PIK3CB: variants seen among roughly 807,000 people sequenced by gnomAD.
PIK3CB encodes phosphatidylinositol-4,5-bisphosphate 3-kinase catalytic subunit beta.
A neutral mutation model predicts 136.8 loss-of-function variants in PIK3CB; 39 were observed. The ratio of observed to expected loss-of-function variants is 0.29; its 90% confidence interval spans 0.22 to 0.37. The LOEUF is 0.37. PIK3CB is among the 10% of genes least tolerant of loss of function. The probability of loss-of-function intolerance (pLI) is 1.00; values close to 1 mark genes in which losing one functional copy is unlikely to be tolerated. For missense variants in PIK3CB, 868 were observed against 1,275.4 expected (o/e 0.68, Z 4.87); for synonymous variants, 428 against 436.6 (o/e 0.98, Z 0.25).
chr3:138,695,006 A>G lies in PIK3CB; in HGVS notation c.1771-99T>C. On this transcript the variant is annotated intron_variant, in intron 13 of 23. Coordinates refer to ENST00000674063, the MANE Select transcript of PIK3CB (RefSeq NM_006219.3). ...CACCAAGATAGGTCAAAAGAAGGCA[A>G]AGCTCACTTTTAATTATTGATGCCT... 6.0e-6 allele frequency: 7 copies of G among 1,163,660 alleles called. No homozygotes were observed. The South Asian group carries it at 1.2e-4, about 20-fold the overall frequency. The allele number at this position is 1,163,660 out of a possible 1,614,324, so 72.1% of individuals were successfully genotyped here. A position where few individuals can be genotyped will look rare whatever the true frequency, so the allele number is the denominator to read the frequency against.
intron 8 of PIK3CB, among the ~76,000 whole-genome samples, chr3:138,725,176 T>G (rs1028826238): frequency 1.3e-5 from 2 of 151,668 alleles, no homozygotes; most frequent in African/African-American, 4.9e-5. Context: ...GCATTTATAC[T>G]CCCTAAATAT....
intron 2 of PIK3CB, among the ~76,000 whole-genome samples, chr3:138,783,824 A>C (rs779687033): frequency 3.3e-5 from 5 of 151,876 alleles, no homozygotes; most frequent in Non-Finnish European, 5.9e-5. Flanking sequence ...TAAAATAAAC[A>C]ACTTTTGAAA....
intron 21 of PIK3CB, among the ~76,000 whole-genome samples, chr3:138,659,950 A>G (rs2043263659): frequency 1.6e-5 from 2 of 126,478 alleles, no homozygotes; most frequent in Non-Finnish European, 3.1e-5. Flanking sequence ...ATTTCAGCTT[A>G]CTGCAAGCTC....
intron 2 of PIK3CB, among the ~76,000 whole-genome samples, chr3:138,773,317 G>C (rs1046500919): frequency 1.3e-5 from 2 of 151,984 alleles, no homozygotes; most frequent in Non-Finnish European, 2.9e-5. Flanking sequence ...CTTTAACCTG[G>C]GAGGCAGAGG....
chr3:138,711,598 AAAAAG>A (rs1220309676), intron 10 of PIK3CB, among the ~76,000 whole-genome samples: 3 of 151,664 alleles, frequency 2.0e-5, no homozygotes, highest in South Asian at 2.1e-4. Context: ...AAAAAAAAAA[AAAAAG>A]AAGTTTAGTC....
At chr3:138,727,529 C>T (rs555757736) in intron 8 of PIK3CB, among the ~76,000 whole-genome samples, 30 of 152,212 alleles carry the variant, frequency 2.0e-4, no homozygotes, top group African/African-American at 2.7e-4. Flanking sequence ...GAATTGGAGA[C>T]TTCAGGCCTA....
chr3:138,728,698 T>C (rs2044897575), intron 8 of PIK3CB, among the ~76,000 whole-genome samples: 1 of 150,948 alleles, frequency 6.6e-6, no homozygotes, highest in Admixed American at 6.6e-5. Context: ...GAGAATGGCA[T>C]GAACCCGGGA....
chr3:138,781,623 T>C (rs947412723), intron 2 of PIK3CB, among the ~76,000 whole-genome samples: 6 of 152,066 alleles, frequency 3.9e-5, no homozygotes, highest in Non-Finnish European at 7.4e-5. Flanking sequence ...TGGCTAATTT[T>C]TTTGTATTTT....
At chr3:138,793,216 G>C (rs2046072745) in intron 2 of PIK3CB, among the ~76,000 whole-genome samples, 1 of 152,178 alleles carries the variant, frequency 6.6e-6, no homozygotes, top group Non-Finnish European at 1.5e-5. Context: ...ATTAAAATAT[G>C]GCAGTTGATA....
chr3:138,750,925 G>C (rs1210887609), intron 4 of PIK3CB, among the ~76,000 whole-genome samples: 1 of 152,052 alleles, frequency 6.6e-6, no homozygotes, highest in Non-Finnish European at 1.5e-5. Context: ...TATCACCCAC[G>C]GTCACTGGTA....
intron 4 of PIK3CB, among the ~76,000 whole-genome samples, chr3:138,745,589 C>T (rs1010327952): frequency 6.6e-6 from 1 of 152,054 alleles, no homozygotes; most frequent in Non-Finnish European, 1.5e-5. Flanking sequence ...GCCAAGATCG[C>T]ACCCCTGCAC....
At chr3:138,816,541 G>A (rs1205062741) in intron 1 of PIK3CB, among the ~76,000 whole-genome samples, 5 of 152,038 alleles carry the variant, frequency 3.3e-5, no homozygotes. Context: ...GTTGCAGTGA[G>A]CCAAGATCAT....
At chr3:138,749,339 A>AT (rs1458742125) in intron 4 of PIK3CB, among the ~76,000 whole-genome samples, 1 of 152,176 alleles carries the variant, frequency 6.6e-6, no homozygotes. Flanking sequence ...ACATTAACCT[A>AT]ATCCTGGCCA....
chr3:138,776,867 G>C (rs1198365348), intron 2 of PIK3CB, among the ~76,000 whole-genome samples: 1 of 142,406 alleles, frequency 7.0e-6, no homozygotes, highest in Non-Finnish European at 1.5e-5. Context: ...ACATTGCAGT[G>C]AGCTGAGATC....
At chr3:138,783,477 A>C (rs757272036) in intron 2 of PIK3CB, among the ~76,000 whole-genome samples, 2 of 152,004 alleles carry the variant, frequency 1.3e-5, no homozygotes, top group Non-Finnish European at 2.9e-5. Flanking sequence ...AGATCTCACT[A>C]TGTTGCGCAG....
At chr3:138,788,258 C>T (rs1447031497) in intron 2 of PIK3CB, among the ~76,000 whole-genome samples, 1 of 152,086 alleles carries the variant, frequency 6.6e-6, no homozygotes, top group African/African-American at 2.4e-5. Context: ...GACCTTGTAG[C>T]AGAGCATAAG....
intron 19 of PIK3CB, among the ~76,000 whole-genome samples, chr3:138,673,659 CA>C (rs2043584978): frequency 6.6e-6 from 1 of 152,004 alleles, no homozygotes; most frequent in East Asian, 1.9e-4. Flanking sequence ...AGGCTTGCAG[CA>C]ATCCAATAAG....
At chr3:138,776,159 T>C (rs763909689) in intron 2 of PIK3CB, among the ~76,000 whole-genome samples, 15 of 151,840 alleles carry the variant, frequency 9.9e-5, no homozygotes, top group Non-Finnish European at 1.9e-4. Flanking sequence ...GATTGCACCA[T>C]TGCACTCCAG....
chr3:138,772,323 C>T (rs961488653), intron 2 of PIK3CB, among the ~76,000 whole-genome samples: 2 of 152,148 alleles, frequency 1.3e-5, no homozygotes, highest in Non-Finnish European at 2.9e-5. Flanking sequence ...TTTTATTCAA[C>T]GTGCCTTTAA....
Sources: gnomAD v4.1 joint callset for allele counts (sites outside exome capture counted in the v4.1 genomes callset) on GRCh38, gnomAD v4.1.1 for gene constraint, MANE v1.5 for transcripts, NCBI Gene and HGNC (gene_info 2026-07-23, HGNC 2026-07-21) for gene names.